The following ARID1B variants were observed in gnomAD, a reference collection of about 807,000 sequenced individuals.
ARID1B encodes the protein AT-rich interactive domain-containing protein 1B.
A neutral mutation model predicts 212.3 loss-of-function variants in ARID1B; 30 were observed. The observed-to-expected ratio is 0.14, with a 90% CI of 0.11 to 0.19. The LOEUF (loss-of-function observed/expected upper bound fraction) is 0.19, where lower values mean the gene tolerates loss of function less well. Ranked by LOEUF, ARID1B falls within the 10% of genes least tolerant of loss-of-function variation. ARID1B has a pLI of 1.00. For synonymous variants in ARID1B, 1,402 were observed against 1,301.7 expected, an observed-to-expected ratio of 1.08 and a Z score of -1.66; for missense variants, 2,891 against 3,204.0, an observed-to-expected ratio of 0.90 and a Z score of 2.36.
chr6:157,177,002 C>T (rs187023878), intron 11 of ARID1B, among the ~76,000 whole-genome samples: 33 of 152,302 alleles, frequency 2.2e-4, no homozygotes, highest in Admixed American at 1.1e-3. Context: ...AGATTATCTC[C>T]ATCCACTGTA....
intron 2 of ARID1B, among the ~76,000 whole-genome samples, chr6:156,891,676 G>A (rs965183329): frequency 1.3e-4 from 20 of 152,130 alleles, no homozygotes; most frequent in Non-Finnish European, 2.1e-4. Context: ...GTAAAATGAG[G>A]ATTGTTATTT....
intron 4 of ARID1B, among the ~76,000 whole-genome samples, chr6:156,996,936 G>A (rs1778625191): frequency 6.6e-6 from 1 of 152,078 alleles, no homozygotes; most frequent in African/African-American, 2.4e-5. Context: ...AAGTTTCTGA[G>A]AAAATATGAT....
At chr6:157,039,682 C>CT (rs1781649357) in intron 4 of ARID1B, among the ~76,000 whole-genome samples, 3 of 75,542 alleles carry the variant, frequency 4.0e-5, no homozygotes, top group South Asian at 3.5e-4. Flanking sequence ...TCCTTCCTTC[C>CT]TTCCTTCCTT....
intron 4 of ARID1B, among the ~76,000 whole-genome samples, chr6:156,975,613 C>CTTTTTT (rs367797338): frequency 1.8e-5 from 2 of 110,856 alleles, no homozygotes; most frequent in African/African-American, 3.5e-5. Flanking sequence ...TTTTTTTTTT[C>CTTTTTT]TTTTTTTTTT....
chr6:157,048,523 CTATT>C (rs1782388135), intron 4 of ARID1B, among the ~76,000 whole-genome samples: 2 of 152,122 alleles, frequency 1.3e-5, no homozygotes, highest in Non-Finnish European at 2.9e-5. Flanking sequence ...GTCTGGGAGA[CTATT>C]TGTTTTGTCT....
intron 4 of ARID1B, among the ~76,000 whole-genome samples, chr6:157,041,224 G>T (rs1272085062): frequency 6.6e-6 from 1 of 152,154 alleles, no homozygotes; most frequent in African/African-American, 2.4e-5. Flanking sequence ...GGATAACCGT[G>T]CCTTGTATAT....
intron 1 of ARID1B, among the ~76,000 whole-genome samples, chr6:156,794,134 C>T (rs1200869229): frequency 6.6e-6 from 1 of 152,208 alleles, no homozygotes; most frequent in Non-Finnish European, 1.5e-5. Flanking sequence ...TCTGGAGTGG[C>T]CTGGAAGCCC....
chr6:157,131,204 T>C (rs1788523915), intron 6 of ARID1B, among the ~76,000 whole-genome samples: 1 of 152,328 alleles, frequency 6.6e-6, no homozygotes, highest in African/African-American at 2.4e-5. Flanking sequence ...GCAATAGTTT[T>C]GTTAACCACC....
chr6:156,821,410 GA>G lies in ARID1B; in HGVS notation c.1792-7814del, dbSNP rs1782344552. Among the ~76,000 whole-genome samples, 6 of 152,326 alleles carry G rather than the reference GA, an allele frequency of 3.9e-5. No homozygotes were observed. In the South Asian group the frequency reaches 1.2e-3, roughly 32 times the overall value. On this transcript the variant is annotated intron_variant, in intron 1 of 19. Transcript: ENST00000636930. Reference sequence around the variant, plus strand: ...ATGGGTATATGTCACGCAGAAAAGAGAAATAGCTTACAGCGATCTTCAAATA... The same window carrying G: ...ATGGGTATATGTCACGCAGAAAAGAGAATAGCTTACAGCGATCTTCAAATA...
chr6:156,860,559 A>G (rs1785257472), intron 2 of ARID1B, among the ~76,000 whole-genome samples: 1 of 152,164 alleles, frequency 6.6e-6, no homozygotes, highest in African/African-American at 2.4e-5. Context: ...GTAAATTTTG[A>G]TCTTTCTGCG....
intron 4 of ARID1B, chr6:156,941,889 C>T (rs1341407590): frequency 6.6e-6 from 1 of 152,122 alleles, no homozygotes; most frequent in Non-Finnish European, 1.5e-5. Flanking sequence ...TGTTTGTGTG[C>T]AAAGTGTTTC....
intron 4 of ARID1B, among the ~76,000 whole-genome samples, chr6:157,008,256 C>T (rs1462118353): frequency 3.3e-5 from 5 of 152,186 alleles, no homozygotes; most frequent in Non-Finnish European, 7.3e-5. Context: ...CACCACCATC[C>T]ATCCATCTCC....
intron 4 of ARID1B, among the ~76,000 whole-genome samples, chr6:157,016,637 G>T (rs933004215): frequency 1.3e-5 from 2 of 152,250 alleles, no homozygotes; most frequent in African/African-American, 4.8e-5. Flanking sequence ...GATTGTGGGT[G>T]TGTGAGTGGC....
Position 157,203,912 on chromosome 6 carries a change from T to C in ARID1B, c.5310T>C (p.Leu1770=), listed in dbSNP as rs372621575. The C allele has an allele frequency of 8.7e-5, 140 of 1,614,198 alleles. 2 individuals carry two copies. The Middle Eastern group carries it at 2.0e-3, about 23-fold the overall frequency. Reference sequence around the variant, plus strand: ...TGATGATGTCCCTTAAATCAGGTCTTTTGGCTGAGAGTACGTGGGCTTTGG... The same window carrying C: ...TGATGATGTCCCTTAAATCAGGTCTCTTGGCTGAGAGTACGTGGGCTTTGG... The part of the protein sequence containing the change: ...WRVMMSLKSG[L]LAESTWALDT... Residue 1770 remains leucine (L), a synonymous_variant, in exon 19 of 20, where the codon CTT becomes CTC. Coordinates refer to ENST00000636930, the MANE Select transcript of ARID1B (RefSeq NM_001374828.1). This position sits in a 1 kb window ranked among gnomAD's most constrained non-coding sequence, Gnocchi z 4.4.
chr6:157,177,508 G>A (rs1792181470), intron 11 of ARID1B, among the ~76,000 whole-genome samples: 2 of 152,192 alleles, frequency 1.3e-5, no homozygotes, highest in Non-Finnish European at 2.9e-5. Flanking sequence ...GATGCTCTAT[G>A]CTTTGACAGT....
Position 157,206,902 on chromosome 6 carries a change from G to A in ARID1B, c.6130G>A (p.Asp2044Asn). Residue 2044 changes from aspartate (D) to asparagine (N), a missense_variant, in exon 20 of 20, where the codon GAC becomes AAC. This residue lies in a region of ARID1B where 332 missense variants were observed against 369.2 expected (regional missense o/e 0.90). Transcript: ENST00000636930. This position sits in a 1 kb window ranked among gnomAD's most constrained non-coding sequence, Gnocchi z 6.8. ...KSHRNIKLLE[D>N]EPRSRDETPL... ...TCACCGGAACATCAAGCTGCTGGAGGACGAGCCCAGGAGCCGAGACGAGAC... is the reference window on the plus strand; with the variant it reads ...TCACCGGAACATCAAGCTGCTGGAGAACGAGCCCAGGAGCCGAGACGAGAC... 1 of 1,614,184 alleles carries A rather than the reference G, an allele frequency of 6.2e-7. No individual in the cohort carries two copies. The highest frequency in any genetic ancestry group is 8.5e-7 in the Non-Finnish European group (1 of 1,180,036).
intron 4 of ARID1B, among the ~76,000 whole-genome samples, chr6:157,053,436 G>A (rs1782736157): frequency 6.6e-6 from 1 of 152,140 alleles, no homozygotes; most frequent in African/African-American, 2.4e-5. Context: ...TAGCCCTTTG[G>A]GGGATGTGCT....
At chr6:157,053,732 C>G (rs1377305741) in intron 4 of ARID1B, among the ~76,000 whole-genome samples, 1 of 152,072 alleles carries the variant, frequency 6.6e-6, no homozygotes, top group African/African-American at 2.4e-5. Flanking sequence ...TAATATCAAG[C>G]CTTTCTATAA....
intron 4 of ARID1B, among the ~76,000 whole-genome samples, chr6:157,010,523 A>G (rs895424728): frequency 7.3e-5 from 11 of 151,306 alleles, no homozygotes; most frequent in African/African-American, 1.7e-4. Flanking sequence ...GAGTTTCACC[A>G]TGTTGGCCAG....
Sources: allele counts gnomAD v4.1 joint callset (sites outside exome capture counted in the v4.1 genomes callset), GRCh38; gene constraint gnomAD v4.1.1; regional missense constraint gnomAD v4.1.1; non-coding constraint Gnocchi (gnomAD v3.1); transcripts MANE v1.5; gene names NCBI Gene and HGNC (gene_info 2026-07-23, HGNC 2026-07-21).